RIF1: variants seen among roughly 807,000 people sequenced by gnomAD.
The protein encoded by RIF1 is replication timing regulatory factor 1.
RIF1 carries 45 observed loss-of-function variants against 247.1 expected under a neutral mutation model. The ratio of observed to expected loss-of-function variants is 0.18; its 90% CI spans 0.14 to 0.23. The LOEUF is 0.23. RIF1 is among the 10% of genes least tolerant of loss of function. RIF1 has a pLI of 1.00. For missense variants in RIF1, 2,967 were observed against 2,862.5 expected (o/e 1.04, Z -0.83); for synonymous variants, 1,087 against 978.8 (o/e 1.11, Z -2.06).
chr2:151,520,181 G>T, the RIF1 span, among the ~76,000 whole-genome samples: 1 of 152,104 alleles, frequency 6.6e-6, no homozygotes, highest in African/African-American at 2.4e-5. Context: ...GGCTGTAAAT[G>T]ATCAAGAAGG....
intron 8 of RIF1, among the ~76,000 whole-genome samples, chr2:151,425,684 T>G (rs1384161913): frequency 1.5e-5 from 2 of 133,814 alleles, no homozygotes; most frequent in East Asian, 4.3e-4. Flanking sequence ...TTTTTTTTTG[T>G]GAGACAGAGT....
the RIF1 span, chr2:151,518,392 T>TAC: frequency 6.2e-7 from 1 of 1,611,338 alleles, no homozygotes. Flanking sequence ...TAGTGGCCTT[T>TAC]ACTCTTCTCA....
intron 9 of RIF1, among the ~76,000 whole-genome samples, chr2:151,430,033 T>G (rs1174056753): frequency 6.6e-6 from 1 of 152,062 alleles, no homozygotes; most frequent in Non-Finnish European, 1.5e-5. Context: ...ACTTTTTTTT[T>G]TTTTTGAGAC....
chr2:151,469,490 C>T (rs1000640666), intron 33 of RIF1, among the ~76,000 whole-genome samples: 1 of 152,132 alleles, frequency 6.6e-6, no homozygotes, highest in Non-Finnish European at 1.5e-5. Flanking sequence ...AAGCACAAGG[C>T]ACGCAGTGGG....
At chr2:151,533,315 T>G in the RIF1 span, 2 of 642,002 alleles carry the variant, frequency 3.1e-6, no homozygotes, top group Non-Finnish European at 5.4e-6. Flanking sequence ...GGAATGAATA[T>G]TTACATAGCT....
intron 30 of RIF1, among the ~76,000 whole-genome samples, chr2:151,466,486 G>A (rs907485803): frequency 2.6e-5 from 4 of 152,098 alleles, no homozygotes; most frequent in African/African-American, 7.2e-5. Context: ...AGATTTAGTA[G>A]TTGTGTGTTG....
At chr2:151,425,145 G>GAGA (rs1354630585) in intron 8 of RIF1, among the ~76,000 whole-genome samples, 1 of 152,002 alleles carries the variant, frequency 6.6e-6, no homozygotes, top group Non-Finnish European at 1.5e-5. Context: ...GCATTTCTCT[G>GAGA]ATTACTAGTG....
In RIF1 at chr2:151,480,567, A is replaced by G. The variant is rs1381095951; in HGVS notation, c.*5496A>G. 30 of 152,172 alleles carry G rather than the reference A, an allele frequency of 2.0e-4. No homozygotes were observed. The highest frequency in any genetic ancestry group is 1.9e-3 in the Admixed American group (29 of 15,276). 9.4% of individuals were successfully genotyped at this position (152,172 alleles called of 1,614,324 possible). ...ATAAATACCCTGAGAGATTATGTTA[A>G]AATACATTATTAATACTCCCACAAA... On this transcript the variant is annotated 3_prime_UTR_variant, in exon 36 of 36. Transcript: ENST00000444746.
chr2:151,492,293 T>A (rs1213485329), intron 9 of RIF1: 1 of 1,606,654 alleles, frequency 6.2e-7, no homozygotes, highest in Non-Finnish European at 8.5e-7. Flanking sequence ...TGAAATGTCA[T>A]GAATTTGCTT....
downstream of RIF1, among the ~76,000 whole-genome samples, chr2:151,509,286 A>G (rs915323361): frequency 2.7e-4 from 41 of 151,934 alleles, no homozygotes; most frequent in African/African-American, 9.9e-4. Flanking sequence ...TTGTTCATGA[A>G]AAAGTCACCT....
intron 9 of RIF1, among the ~76,000 whole-genome samples, chr2:151,430,668 TC>T (rs1292223270): frequency 5.3e-5 from 8 of 151,546 alleles, no homozygotes; most frequent in Non-Finnish European, 7.4e-5. Flanking sequence ...GGGCATAGTT[TC>T]CCCCCCTCCC....
chr2:151,487,315 T>C (rs980429106), intron 9 of RIF1, among the ~76,000 whole-genome samples: 1 of 152,240 alleles, frequency 6.6e-6, no homozygotes, highest in African/African-American at 2.4e-5. Context: ...CAAAAGTTTC[T>C]TCCTAGGAGC....
intron 11 of RIF1, chr2:151,499,617 T>C (rs537061302): frequency 2.9e-6 from 1 of 349,254 alleles, no homozygotes; most frequent in Non-Finnish European, 5.2e-6. Flanking sequence ...GTAACTTGAA[T>C]ATATTTATTT....
intron 31 of RIF1, 77 bp downstream of exon 31, chr2:151,468,223 A>G: frequency 3.0e-6 from 4 of 1,326,002 alleles, no homozygotes; most frequent in Non-Finnish European, 4.2e-6. Context: ...CATAAAATGA[A>G]CTATATATGT....
chr2:151,491,713 T>A, intron 9 of RIF1: 2 of 1,598,046 alleles, frequency 1.3e-6, no homozygotes, highest in African/African-American at 2.7e-5. Context: ...CGGGACTGGA[T>A]GTTGTCTTCT....
chr2:151,434,933 A>G (rs1690888244), intron 10 of RIF1, among the ~76,000 whole-genome samples: 1 of 152,182 alleles, frequency 6.6e-6, no homozygotes, highest in African/African-American at 2.4e-5. Context: ...AATATACTTA[A>G]GCCATTTTTA....
rs35001554 is a variant in RIF1, at chr2:151,426,168, ATTTTT to A, written c.787-2596_787-2592del. ...TTTTTCAGGATTGTTTTGGCTTTTA[ATTTTT>A]TTTTTTTTTTTTTTTTTTTGAGCTG... On this transcript the variant is annotated intron_variant, in intron 8 of 35. Coordinates refer to ENST00000444746, the MANE Select transcript of RIF1 (RefSeq NM_018151.5). 1.7e-4 allele frequency among the ~76,000 whole-genome samples: 10 copies of A among 58,212 alleles called. No homozygotes were observed. The East Asian group carries it at 2.0e-3, about 12-fold the overall frequency. 38.2% of individuals were successfully genotyped at this position (58,212 alleles called of 152,430 possible).
intron 7 of RIF1, among the ~76,000 whole-genome samples, chr2:151,421,294 G>A (rs1320996172): frequency 2.0e-5 from 3 of 152,156 alleles, no homozygotes; most frequent in Non-Finnish European, 4.4e-5. Context: ...AATGTAAGGT[G>A]GTCAGAGAAG....
At chr2:151,420,835 T>C (rs1303620529) in intron 7 of RIF1, among the ~76,000 whole-genome samples, 1 of 152,154 alleles carries the variant, frequency 6.6e-6, no homozygotes, top group Non-Finnish European at 1.5e-5. Context: ...TTGCATAAGT[T>C]AGCAAAGGCA....
Sources: gnomAD v4.1 joint callset for allele counts (sites outside exome capture counted in the v4.1 genomes callset) on GRCh38, gnomAD v4.1.1 for gene constraint, MANE v1.5 for transcripts, NCBI Gene and HGNC (gene_info 2026-07-23, HGNC 2026-07-21) for gene names.